SPRYD4: variants seen among roughly 807,000 people sequenced by gnomAD.
SPRYD4 encodes the protein SPRY domain-containing protein 4.
SPRYD4 carries 12 observed loss-of-function variants against 16.6 expected under a neutral mutation model. The ratio of observed to expected loss-of-function variants is 0.72; its 90% CI spans 0.46 to 1.17. The LOEUF is 1.17. Ranked by LOEUF, SPRYD4 falls within the 50% of genes most tolerant of loss-of-function variation. SPRYD4 has a pLI of 0.00. For synonymous variants in SPRYD4, 98 were observed against 105.4 expected (o/e 0.93, Z 0.43); for missense variants, 260 against 260.2 (o/e 1.00, Z 0.00).
In SPRYD4 at chr12:56,475,411, G is replaced by T; in HGVS notation, c.*5834G>T. 1 of 702,816 alleles carries T rather than the reference G, an allele frequency of 1.4e-6. No homozygotes were observed. The highest frequency in any genetic ancestry group is 2.3e-6 in the Non-Finnish European group (1 of 429,674). 43.5% of individuals were successfully genotyped at this position (702,816 alleles called of 1,614,324 possible). On this transcript the variant is annotated 3_prime_UTR_variant, in exon 2 of 2. Transcript: ENST00000338146. ...GGGCTTAGGCACAAACCATCACACT[G>T]CCTCTCTCATTATGTACTAATTAGA...
rs994077125 is a variant in SPRYD4 at position 56,469,841 on chromosome 12, C to T, written c.*264C>T. 1.0e-5 allele frequency: 5 copies of T among 484,070 alleles called. No homozygotes were observed. The highest frequency in any genetic ancestry group is 1.0e-4 in the Admixed American group (3 of 29,202). 30.0% of individuals were successfully genotyped at this position (484,070 alleles called of 1,614,324 possible). A position where few individuals can be genotyped will look rare whatever the true frequency, so the allele number is the denominator to read the frequency against. ...CTTCCTTGACCTGCTTCCTTCAGTC[C>T]CTCTGCCTCCCTTTGCCCAGGCCTT... is the stretch of plus-strand genomic sequence containing the variant. On this transcript the variant is annotated 3_prime_UTR_variant, in exon 2 of 2. Transcript: ENST00000338146.
rs765118414 is a variant in SPRYD4 at position 56,475,907 on chromosome 12, C to T, written c.*6330C>T. Reference sequence around the variant, plus strand: ...AGCTGGAGAGGACAGCATGCCATGGCGAAATGCAGCCAGGGGCTAAGTAGC... The same window carrying T: ...AGCTGGAGAGGACAGCATGCCATGGTGAAATGCAGCCAGGGGCTAAGTAGC... On this transcript the variant is annotated 3_prime_UTR_variant, in exon 2 of 2. Transcript: ENST00000338146. 3.9e-5 allele frequency: 63 copies of T among 1,611,686 alleles called. No homozygotes were observed. The highest frequency in any genetic ancestry group is 1.4e-4 in the South Asian group (13 of 91,008).
In SPRYD4 at chr12:56,477,420, T is replaced by G; in HGVS notation, c.*7843T>G. 1 of 416,456 alleles carries G rather than the reference T, an allele frequency of 2.4e-6. No individual in the cohort carries two copies. Among genetic ancestry groups the G allele is most frequent in the Non-Finnish European group, 4.3e-6 (1 of 231,032 alleles). 25.8% of individuals were successfully genotyped at this position (416,456 alleles called of 1,614,324 possible). A position where few individuals can be genotyped will look rare whatever the true frequency, so the allele number is the denominator to read the frequency against. ...CTAAGGGTCAGAAAGCTCTAGGCTCTAGACTCATGGGTGGGGGCAGGGAAC... is the reference window on the plus strand; with the variant it reads ...CTAAGGGTCAGAAAGCTCTAGGCTCGAGACTCATGGGTGGGGGCAGGGAAC... On this transcript the variant is annotated 3_prime_UTR_variant, in exon 2 of 2. Transcript: ENST00000338146.
chr12:56,477,359 T>G lies in SPRYD4; in HGVS notation c.*7782T>G, dbSNP rs1254565264. 1 of 249,158 alleles carries G rather than the reference T, an allele frequency of 4.0e-6. No homozygotes were observed. Among genetic ancestry groups the G allele is most frequent in the East Asian group, 7.7e-5 (1 of 13,070 alleles). 15.4% of individuals were successfully genotyped at this position (249,158 alleles called of 1,614,324 possible). A position where few individuals can be genotyped will look rare whatever the true frequency, so the allele number is the denominator to read the frequency against. ...TCCCCTTGTCTCTGGCATTTGGCCCTTGGTCCTAGGCAGGGGTCAGGACCT... is the reference window on the plus strand; with the variant it reads ...TCCCCTTGTCTCTGGCATTTGGCCCGTGGTCCTAGGCAGGGGTCAGGACCT... On this transcript the variant is annotated 3_prime_UTR_variant, in exon 2 of 2. Transcript: ENST00000338146.
Position 56,475,941 on chromosome 12 carries a change from T to G in SPRYD4, c.*6364T>G. ...GCCAGGGGCTAAGTAGCAAGGGAACTTACAAAATCAAACTTCTCTGCTTTG... is the reference window on the plus strand; with the variant it reads ...GCCAGGGGCTAAGTAGCAAGGGAACGTACAAAATCAAACTTCTCTGCTTTG... On this transcript the variant is annotated 3_prime_UTR_variant, in exon 2 of 2. Transcript: ENST00000338146. 1.2e-6 allele frequency: 2 copies of G among 1,613,786 alleles called. No individual in the cohort carries two copies. Among genetic ancestry groups the G allele is most frequent in the Non-Finnish European group, 1.7e-6 (2 of 1,179,954 alleles).
chr12:56,469,315 C>T lies in SPRYD4; in HGVS notation c.362C>T (p.Ser121Phe). Residue 121 changes from serine (S) to phenylalanine (F), a missense_variant, in exon 2 of 2, where the codon TCC (serine) becomes TTC (phenylalanine). By Grantham distance (155) the Ser-to-Phe change is radical. Coordinates refer to ENST00000338146, the MANE Select transcript of SPRYD4 (RefSeq NM_207344.4). Reference protein sequence around the residue: ...RDSCIGVDDRSWVFTYAQRKW... With the variant: ...RDSCIGVDDRFWVFTYAQRKW... ...AGCTGCATTGGTGTTGATGATCGTTCCTGGGTGTTCACCTATGCCCAGCGC... is the reference window on the plus strand; with the variant it reads ...AGCTGCATTGGTGTTGATGATCGTTTCTGGGTGTTCACCTATGCCCAGCGC... 6.2e-7 allele frequency: 1 copy of T among 1,614,170 alleles called. No individual in the cohort carries two copies. Among genetic ancestry groups the T allele is most frequent in the Middle Eastern group, 1.6e-4 (1 of 6,062 alleles).
In SPRYD4 at chr12:56,479,088, G is replaced by A; in HGVS notation, c.*9511G>A. 1 of 1,613,694 alleles carries A rather than the reference G, an allele frequency of 6.2e-7. No homozygotes were observed. Among genetic ancestry groups the A allele is most frequent in the Non-Finnish European group, 8.5e-7 (1 of 1,179,974 alleles). ...TGAGCTCTTTGACATCCTCAAAGAT[G>A]CGATCCACATGGCCCGTGAACTCCT... On this transcript the variant is annotated 3_prime_UTR_variant, in exon 2 of 2. Coordinates refer to ENST00000338146, the MANE Select transcript of SPRYD4 (RefSeq NM_207344.4).
rs765344135 is a variant in SPRYD4 at position 56,479,103 on chromosome 12, C to T, written c.*9526C>T. 8 of 1,613,884 alleles carry T rather than the reference C, an allele frequency of 5.0e-6. No homozygotes were observed. The highest frequency in any genetic ancestry group is 4.0e-5 in the African/African-American group (3 of 74,866). ...CCTCAAAGATGCGATCCACATGGCCCGTGAACTCCTCAAAATCAGGAATGA... is the reference window on the plus strand; with the variant it reads ...CCTCAAAGATGCGATCCACATGGCCTGTGAACTCCTCAAAATCAGGAATGA... On this transcript the variant is annotated 3_prime_UTR_variant, in exon 2 of 2. Coordinates refer to ENST00000338146, the MANE Select transcript of SPRYD4 (RefSeq NM_207344.4).
chr12:56,473,482 C>T lies in SPRYD4; in HGVS notation c.*3905C>T. The T allele has an allele frequency of 6.2e-7, 1 of 1,613,918 alleles. No homozygotes were observed. Among genetic ancestry groups the T allele is most frequent in the Non-Finnish European group, 8.5e-7 (1 of 1,179,892 alleles). On this transcript the variant is annotated 3_prime_UTR_variant, in exon 2 of 2. Coordinates refer to ENST00000338146, the MANE Select transcript of SPRYD4 (RefSeq NM_207344.4). ...TCTCACCTGGCAGAAGCTGGTCCCCCTATGGCTGTTCCCCAGCTTGTCCAA... is the reference window on the plus strand; with the variant it reads ...TCTCACCTGGCAGAAGCTGGTCCCCTTATGGCTGTTCCCCAGCTTGTCCAA...
In SPRYD4 at chr12:56,471,388, T is replaced by A; in HGVS notation, c.*1811T>A. ...CACCAAATGACTGCTTGGTCCCCAC[T>A]GAAGCAGTGTAGCTCTCCATAGTAT... is the stretch of plus-strand genomic sequence containing the variant. On this transcript the variant is annotated 3_prime_UTR_variant, in exon 2 of 2. Transcript: ENST00000338146. 8 of 1,299,230 alleles carry A rather than the reference T, an allele frequency of 6.2e-6. No homozygotes were observed. Among genetic ancestry groups the A allele is most frequent in the Non-Finnish European group, 6.3e-6 (6 of 957,090 alleles). The allele number at this position is 1,299,230 out of a possible 1,614,324, so 80.5% of individuals were successfully genotyped here. A position where few individuals can be genotyped will look rare whatever the true frequency, so the allele number is the denominator to read the frequency against.
rs754123617 is a variant in SPRYD4 at position 56,469,618 on chromosome 12, C to T, written c.*41C>T. On this transcript the variant is annotated 3_prime_UTR_variant, in exon 2 of 2. Coordinates refer to ENST00000338146, the MANE Select transcript of SPRYD4 (RefSeq NM_207344.4). The stretch of plus-strand genomic sequence containing the variant: ...AGTCCCTAATCACGCCTTTGGCCAG[C>T]CTCCTTTTGAAAGTGTCCGAAGCCT... 1.3e-6 allele frequency: 2 copies of T among 1,560,472 alleles called. No homozygotes were observed. The highest frequency in any genetic ancestry group is 2.3e-5 in the South Asian group (2 of 86,154).
Position 56,469,430 on chromosome 12 carries a change from C to T in SPRYD4, c.477C>T (p.Ala159=), listed in dbSNP as rs1315635864. ...EKVGLLLEYE[A]QKLSLVDVSQ... ...TGGGGCTGTTGCTGGAGTATGAGGCCCAGAAGCTGAGCCTGGTGGATGTGA... is the reference window on the plus strand; with the variant it reads ...TGGGGCTGTTGCTGGAGTATGAGGCTCAGAAGCTGAGCCTGGTGGATGTGA... Residue 159 remains alanine, a synonymous_variant, in exon 2 of 2, where the codon GCC becomes GCT. Coordinates refer to ENST00000338146, the MANE Select transcript of SPRYD4 (RefSeq NM_207344.4). 8.1e-6 allele frequency: 13 copies of T among 1,613,780 alleles called. No individual in the cohort carries two copies. The highest frequency in any genetic ancestry group is 1.3e-5 in the African/African-American group (1 of 74,806).
rs1198877595 is a variant in SPRYD4 at position 56,469,571 on chromosome 12, C to T, written c.618C>T (p.Gly206=). Residue 206 remains glycine, a synonymous_variant, in exon 2 of 2, where the codon GGC becomes GGT. Coordinates refer to ENST00000338146, the MANE Select transcript of SPRYD4 (RefSeq NM_207344.4). ...ATTCAGGGCTTGAGGTGCCCGAGGGCCTCTAGTATGTCCATTACTGGAGTC... is the reference window on the plus strand; with the variant it reads ...ATTCAGGGCTTGAGGTGCCCGAGGGTCTCTAGTATGTCCATTACTGGAGTC... The part of the protein sequence containing the change: ...LTHSGLEVPE[G]L The T allele has an allele frequency of 1.2e-6, 2 of 1,612,584 alleles. No individual in the cohort carries two copies. The highest frequency in any genetic ancestry group is 2.2e-5 in the East Asian group (1 of 44,852).
rs1269893746 is a variant in SPRYD4, at chr12:56,474,599, A to G, written c.*5022A>G. ...CATGCCGCAGGAATGCATGAGGCTG[A>G]GGGTGTTGCGCACTGCTTCAGCACT... On this transcript the variant is annotated 3_prime_UTR_variant, in exon 2 of 2. Coordinates refer to ENST00000338146, the MANE Select transcript of SPRYD4 (RefSeq NM_207344.4). 6.2e-7 allele frequency: 1 copy of G among 1,614,202 alleles called. No individual in the cohort carries two copies. Among genetic ancestry groups the G allele is most frequent in the South Asian group, 1.1e-5 (1 of 91,088 alleles).
Position 56,478,901 on chromosome 12 carries a change from T to C in SPRYD4, c.*9324T>C, listed in dbSNP as rs192713561. On this transcript the variant is annotated 3_prime_UTR_variant, in exon 2 of 2. Coordinates refer to ENST00000338146, the MANE Select transcript of SPRYD4 (RefSeq NM_207344.4). The stretch of plus-strand genomic sequence containing the variant: ...CGGGAGGCTGAGACAGGAGAATCGC[T>C]TGAACCTGGGAGGTGGAGGTTGCAG... 3.3e-4 allele frequency: 311 copies of C among 938,002 alleles called. 1 individual carries two copies. The highest frequency in any genetic ancestry group is 6.8e-4 in the Admixed American group (27 of 39,520). 58.1% of individuals were successfully genotyped at this position (938,002 alleles called of 1,614,324 possible).
In SPRYD4 at chr12:56,475,966, G is replaced by A. The variant is rs766997863; in HGVS notation, c.*6389G>A. 4 of 1,613,580 alleles carry A rather than the reference G, an allele frequency of 2.5e-6. No individual in the cohort carries two copies. Among genetic ancestry groups the A allele is most frequent in the Non-Finnish European group, 3.4e-6 (4 of 1,180,004 alleles). On this transcript the variant is annotated 3_prime_UTR_variant, in exon 2 of 2. Transcript: ENST00000338146. ...TTACAAAATCAAACTTCTCTGCTTT[G>A]TTACAGTCCATCTGCAGAGAAAGAG...
chr12:56,471,467 G>C lies in SPRYD4; in HGVS notation c.*1890G>C. 6.3e-7 allele frequency: 1 copy of C among 1,596,782 alleles called. No homozygotes were observed. The stretch of plus-strand genomic sequence containing the variant: ...CCAGCTCATGCTTTTTCTTGAGCAG[G>C]GGCTGTCCATGACCTGTGCTCATAC... On this transcript the variant is annotated 3_prime_UTR_variant, in exon 2 of 2. Coordinates refer to ENST00000338146, the MANE Select transcript of SPRYD4 (RefSeq NM_207344.4).
rs985313006 is a variant in SPRYD4, at chr12:56,470,461, A to G, written c.*884A>G. ...TGCCTCAGCCTCCTGAGTAGCTAGG[A>G]TTACAGGTGTGTGCCACCATGCCCG... On this transcript the variant is annotated 3_prime_UTR_variant, in exon 2 of 2. Coordinates refer to ENST00000338146, the MANE Select transcript of SPRYD4 (RefSeq NM_207344.4). 3.9e-5 allele frequency: 6 copies of G among 152,162 alleles called. No homozygotes were observed. The highest frequency in any genetic ancestry group is 1.4e-4 in the African/African-American group (6 of 41,424). The allele number at this position is 152,162 out of a possible 1,614,324, so 9.4% of individuals were successfully genotyped here. A position where few individuals can be genotyped will look rare whatever the true frequency, so the allele number is the denominator to read the frequency against.
chr12:56,468,655 G>C lies in SPRYD4; in HGVS notation c.64G>C (p.Ala22Pro). The C allele has an allele frequency of 6.2e-7, 1 of 1,614,110 alleles. No homozygotes were observed. Among genetic ancestry groups the C allele is most frequent in the South Asian group, 1.1e-5 (1 of 91,080 alleles). Residue 22 changes from alanine to proline, a missense_variant, in exon 1 of 2, where the codon GCC becomes CCC. Coordinates refer to ENST00000338146, the MANE Select transcript of SPRYD4 (RefSeq NM_207344.4). ...CTGGGGAGCCAAACGATTGGGAGTTGCCTCCACAGAGGCCCAGAGAGGTAG... is the reference window on the plus strand; with the variant it reads ...CTGGGGAGCCAAACGATTGGGAGTTCCCTCCACAGAGGCCCAGAGAGGTAG... ...CRWGAKRLGVASTEAQRGVSF... is the reference protein window; with the variant it reads ...CRWGAKRLGVPSTEAQRGVSF...
Sources: gnomAD v4.1 joint callset for allele counts on GRCh38, gnomAD v4.1.1 for gene constraint, MANE v1.5 for transcripts, NCBI Gene and HGNC (gene_info 2026-07-23, HGNC 2026-07-21) for gene names.